Variants in GRID1 observed in about 807,000 individuals in gnomAD.
GRID1 encodes glutamate receptor ionotropic, delta-1.
In GRID1, 28 loss-of-function variants were observed where a neutral mutation model predicts 98.0. The ratio of observed to expected loss-of-function variants is 0.29; its 90% confidence interval spans 0.21 to 0.39. The LOEUF (loss-of-function observed/expected upper bound fraction) is 0.39. GRID1 is among the 10% of genes least tolerant of loss of function. GRID1 has a pLI of 1.00. For missense variants in GRID1, 1,111 were observed against 1,340.5 expected (o/e 0.83, Z 2.67); for synonymous variants, 553 against 538.5 (o/e 1.03, Z -0.37).
chr10:86,302,881 C>T (rs1847709889), intron 2 of GRID1, among the ~76,000 whole-genome samples: 1 of 152,210 alleles, frequency 6.6e-6, no homozygotes, highest in South Asian at 2.1e-4. Context: ...CTCCCTGGAC[C>T]TAGAAGCAGA....
chr10:85,651,240 A>G (rs1249413948), intron 12 of GRID1, among the ~76,000 whole-genome samples: 6 of 152,234 alleles, frequency 3.9e-5, no homozygotes, highest in Non-Finnish European at 7.3e-5. Context: ...TGTTTAATAA[A>G]TGCTAGCCCT....
At chr10:85,904,902 T>A (rs1373912667) in intron 5 of GRID1, among the ~76,000 whole-genome samples, 1 of 151,928 alleles carries the variant, frequency 6.6e-6, no homozygotes, top group Non-Finnish European at 1.5e-5. Context: ...AAATCTCAAG[T>A]AAGAGGATAT....
In GRID1 at chr10:86,102,403, T is replaced by C. The variant is rs186441615; in HGVS notation, c.726+36416A>G. 3.3e-5 allele frequency among the ~76,000 whole-genome samples: 5 copies of C among 152,276 alleles called. No individual in the cohort carries two copies. The East Asian group carries it at 9.7e-4, about 29-fold the overall frequency. On this transcript the variant is annotated intron_variant, in intron 4 of 15. Coordinates refer to ENST00000327946, the MANE Select transcript of GRID1 (RefSeq NM_017551.3). ...TGAGGAAGAAGCAGCAAAGACAGCA[T>C]CAAGATGTTGGGCCTGGGCAGCTGA...
intron 12 of GRID1, among the ~76,000 whole-genome samples, chr10:85,718,750 G>A (rs972911948): frequency 1.5e-4 from 23 of 152,202 alleles, no homozygotes; most frequent in Admixed American, 1.1e-3. Flanking sequence ...CTCTGGGCCT[G>A]TGATGGGAGG....
intron 8 of GRID1, 107 bp downstream of exon 8, chr10:85,854,387 GAT>G (rs1843088357): frequency 2.1e-6 from 2 of 944,178 alleles, no homozygotes; most frequent in South Asian, 1.5e-5. Context: ...TAGGAGGGAG[GAT>G]ATCTGTGCTA....
At chr10:86,067,846 G>A (rs1304030798) in intron 4 of GRID1, among the ~76,000 whole-genome samples, 1 of 152,150 alleles carries the variant, frequency 6.6e-6, no homozygotes, top group Non-Finnish European at 1.5e-5. Context: ...TCAGGCCAAG[G>A]CCTGAACTCA....
intron 3 of GRID1, among the ~76,000 whole-genome samples, chr10:86,168,256 C>G (rs1845430548): frequency 6.6e-6 from 1 of 152,216 alleles, no homozygotes; most frequent in South Asian, 2.1e-4. Context: ...TGACTGTAAA[C>G]AGGTACTTAA....
At chr10:86,282,954 G>A (rs1416961525) in intron 2 of GRID1, among the ~76,000 whole-genome samples, 1 of 152,106 alleles carries the variant, frequency 6.6e-6, no homozygotes, top group African/African-American at 2.4e-5. Context: ...TCTCCCCGGT[G>A]GCATAAGGAC....
intron 8 of GRID1, among the ~76,000 whole-genome samples, chr10:85,847,113 G>C (rs1327552143): frequency 6.6e-6 from 1 of 152,116 alleles, no homozygotes; most frequent in African/African-American, 2.4e-5. Context: ...AAAACAAAAT[G>C]ATATAAAATA....
intron 8 of GRID1, among the ~76,000 whole-genome samples, chr10:85,825,447 G>C (rs1263570935): frequency 6.6e-6 from 1 of 151,852 alleles, no homozygotes; most frequent in East Asian, 1.9e-4. Context: ...TCATTTGTCA[G>C]ATGCATCATT....
intron 14 of GRID1, among the ~76,000 whole-genome samples, chr10:85,618,084 C>G (rs551639852): frequency 6.6e-6 from 1 of 152,360 alleles, no homozygotes; most frequent in African/African-American, 2.4e-5. Flanking sequence ...GGAGCCCCCT[C>G]TGCTCTGACT....
At chr10:85,913,435 G>C (rs1392354129) in intron 5 of GRID1, among the ~76,000 whole-genome samples, 1 of 152,240 alleles carries the variant, frequency 6.6e-6, no homozygotes, top group African/African-American at 2.4e-5. Flanking sequence ...CAGGGCTGTT[G>C]ATGAGGACTA....
intron 13 of GRID1, among the ~76,000 whole-genome samples, chr10:85,638,443 G>A (rs1564685403): frequency 1.3e-5 from 2 of 152,106 alleles, no homozygotes; most frequent in African/African-American, 4.8e-5. Context: ...CCTGACTTAA[G>A]GAATTATTTT....
intron 8 of GRID1, among the ~76,000 whole-genome samples, chr10:85,780,559 C>T (rs1042539112): frequency 5.9e-5 from 9 of 152,184 alleles, no homozygotes. Flanking sequence ...ATAATCCCTC[C>T]TATGGGGCTG....
intron 4 of GRID1, among the ~76,000 whole-genome samples, chr10:86,047,894 T>A (rs1435130246): frequency 6.6e-6 from 1 of 152,254 alleles, no homozygotes; most frequent in African/African-American, 2.4e-5. Flanking sequence ...TAAACTCTGC[T>A]GATGAAGGCA....
chr10:86,051,578 T>TA (rs1305567067), intron 4 of GRID1, among the ~76,000 whole-genome samples: 1 of 148,552 alleles, frequency 6.7e-6, no homozygotes, highest in East Asian at 1.9e-4. Flanking sequence ...AATCAAGGTA[T>TA]AAAACCCCTG....
chr10:85,662,379 C>T (rs1840975127), intron 12 of GRID1, among the ~76,000 whole-genome samples: 1 of 152,122 alleles, frequency 6.6e-6, no homozygotes, highest in Admixed American at 6.5e-5. Flanking sequence ...TTGAGGAGAC[C>T]CCCAGGTAGG....
At chr10:85,792,334 T>C (rs1270423314) in intron 8 of GRID1, among the ~76,000 whole-genome samples, 2 of 152,336 alleles carry the variant, frequency 1.3e-5, no homozygotes, top group East Asian at 3.9e-4. Context: ...CTCTGGATGA[T>C]GCCACAGCAC....
intron 2 of GRID1, among the ~76,000 whole-genome samples, chr10:86,263,076 C>T (rs1159007634): frequency 6.6e-6 from 1 of 152,306 alleles, no homozygotes; most frequent in East Asian, 1.9e-4. Flanking sequence ...GCTCTGTTCG[C>T]GGGCCCGGGT....
Sources: gnomAD v4.1 joint callset for allele counts (sites outside exome capture counted in the v4.1 genomes callset) on GRCh38, gnomAD v4.1.1 for gene constraint, MANE v1.5 for transcripts, NCBI Gene and HGNC (gene_info 2026-07-23, HGNC 2026-07-21) for gene names.